The following HSPD1 variants were observed in gnomAD, a reference collection of about 807,000 sequenced individuals.
HSPD1 encodes heat shock protein family D (Hsp60) member 1, also known as 60 kDa heat shock protein, mitochondrial.
Under a neutral mutation model 53.0 loss-of-function variants are expected in HSPD1, and 3 were observed. That is an observed-to-expected ratio of 0.06 (90% confidence interval 0.03 to 0.15). The LOEUF (loss-of-function observed/expected upper bound fraction) is 0.15, where lower values mean the gene tolerates loss of function less well. Among genes scored for constraint, HSPD1 ranks in the 10% least tolerant of loss-of-function variants. The probability of loss-of-function intolerance (pLI) is 1.00; values close to 1 mark genes in which losing one functional copy is unlikely to be tolerated. For synonymous variants in HSPD1, 200 were observed against 228.0 expected (o/e 0.88, Z 1.10); for missense variants, 431 against 694.1 (o/e 0.62, Z 4.26).
chr2:197,500,119 C>T (rs1418649552), upstream of HSPD1: 2 of 463,732 alleles, frequency 4.3e-6, no homozygotes, highest in Non-Finnish European at 7.9e-6. Context: ...AGGGTCAAAT[C>T]GCGTCATTTC....
chr2:197,498,677 T>C lies in HSPD1; in HGVS notation c.172A>G (p.Lys58Glu). 6.2e-7 allele frequency: 1 copy of C among 1,613,418 alleles called. No individual in the cohort carries two copies. The highest frequency in any genetic ancestry group is 8.5e-7 in the Non-Finnish European group (1 of 1,179,366). Residue 58 changes from lysine (K) to glutamate (E), a missense_variant and splice_region_variant, in exon 2 of 12, where the codon AAG becomes GAG. Around this residue, in one of 2 missense-constraint regions of HSPD1, gnomAD observed 386 missense variants for 657.6 expected, o/e 0.59. Transcript: ENST00000388968. Reference sequence around the variant, plus strand: ...CAATAAAATAAAAATACTGGTACCTTTGGCCCCATTGTAACGGCCACAGCA... The same window carrying C: ...CAATAAAATAAAAATACTGGTACCTCTGGCCCCATTGTAACGGCCACAGCA... The part of the protein sequence containing the change: ...ADAVAVTMGP[K>E]GRTVIIEQSW...
In HSPD1 at chr2:197,494,074, G is replaced by A. The variant is rs889349528; in HGVS notation, c.700+83C>T. The A allele has an allele frequency of 8.2e-6, 6 of 735,318 alleles. No individual in the cohort carries two copies. The African/African-American group carries it at 8.8e-5, about 11-fold the overall frequency. 45.5% of individuals were successfully genotyped at this position (735,318 alleles called of 1,614,324 possible). ...CAACGCGCCACCACATCATGCCACT[G>A]CACTCCAGCCGGGGCAACAGAGAAT... is the stretch of plus-strand genomic sequence containing the variant. On this transcript the variant is annotated intron_variant, in intron 6 of 11. Transcript: ENST00000388968.
At position 197,487,336 on chromosome 2, in the gene HSPD1, T is replaced by G. The variant is rs185013131; in HGVS notation, c.1570-138A>C. 4.0e-6 allele frequency: 3 copies of G among 753,978 alleles called. No homozygotes were observed. In the South Asian group the frequency reaches 4.6e-5, roughly 12 times the overall value. 46.7% of individuals were successfully genotyped at this position (753,978 alleles called of 1,614,324 possible). ...CTGAGGCAGGTAGATGACTTGAGGT[T>G]AGGAGTTCAAGACCAGCCTGGCCAA... On this transcript the variant is annotated intron_variant, in intron 11 of 11. Transcript: ENST00000388968.
At position 197,487,977 on chromosome 2, in the gene HSPD1, C is replaced by A; in HGVS notation, c.1450G>T (p.Gly484Cys). 3 of 1,613,042 alleles carry A rather than the reference C, an allele frequency of 1.9e-6. No individual in the cohort carries two copies. Among genetic ancestry groups the A allele is most frequent in the Non-Finnish European group, 2.5e-6 (3 of 1,179,128 alleles). ...IPAMTIAKNAGVEGSLIVEKI... is the reference protein window; with the variant it reads ...IPAMTIAKNACVEGSLIVEKI... ...TCAACTATCAAAGATCCTTCAACAC[C>A]TGCATTCTTAGCAATGGTCATTGCT... The change falls in exon 11 of 12, where the codon GGT becomes TGT. Residue 484 changes from glycine to cysteine, a missense_variant. By Grantham distance (159) the Gly-to-Cys change is radical. Coordinates refer to ENST00000388968, the MANE Select transcript of HSPD1 (RefSeq NM_002156.5).
In HSPD1 at chr2:197,497,325, G is replaced by A; in HGVS notation, c.242C>T (p.Ala81Val). 1 of 1,610,862 alleles carries A rather than the reference G, an allele frequency of 6.2e-7. No individual in the cohort carries two copies. The highest frequency in any genetic ancestry group is 1.1e-5 in the South Asian group (1 of 91,006). ...PKVTKDGVTV[A>V]KSIDLKDKYK... is the part of the protein sequence containing the mutation. ...TTTATCTTTTAAGTCAATTGACTTTGCAACAGTCACACCATCTTTTGTTAC... is the reference window on the plus strand; with the variant it reads ...TTTATCTTTTAAGTCAATTGACTTTACAACAGTCACACCATCTTTTGTTAC... The change falls in exon 3 of 12, where the codon GCA becomes GTA. Residue 81 changes from alanine to valine, a missense_variant. Around this residue, in one of 2 missense-constraint regions of HSPD1, gnomAD observed 386 missense variants for 657.6 expected, o/e 0.59. Coordinates refer to ENST00000388968, the MANE Select transcript of HSPD1 (RefSeq NM_002156.5).
chr2:197,490,415 GTT>G (rs147990270), intron 7 of HSPD1, 119 bp from the exon 8 acceptor site: 11 of 728,726 alleles, frequency 1.5e-5, no homozygotes, highest in East Asian at 2.7e-5. Flanking sequence ...TGGTTTTTGT[GTT>G]TTTTTGTTTT....
chr2:197,492,686 G>A (rs1425670659), intron 7 of HSPD1, among the ~76,000 whole-genome samples: 2 of 151,922 alleles, frequency 1.3e-5, no homozygotes, highest in African/African-American at 2.4e-5. Flanking sequence ...GGGTGACAGA[G>A]ACTCTGTCTC....
rs1559300756 is a variant in HSPD1 at position 197,489,255 on chromosome 2, AAG to A, written c.970-10_970-9del. 6.2e-7 allele frequency: 1 copy of A among 1,614,052 alleles called. No homozygotes were observed. The highest frequency in any genetic ancestry group is 1.7e-5 in the Admixed American group (1 of 60,014). ...TCCCTCTTCTCCAAACACCTACAAA[AAG>A]AGTTAAACGTAAACCTGTTGTAGGT... On this transcript the variant is annotated splice_polypyrimidine_tract_variant and intron_variant, in intron 8 of 11. Transcript: ENST00000388968.
chr2:197,496,157 T>C (rs1246276587), intron 3 of HSPD1, among the ~76,000 whole-genome samples: 2 of 152,202 alleles, frequency 1.3e-5, no homozygotes, highest in African/African-American at 2.4e-5. Context: ...TAGTACGTAT[T>C]ATGAACTAAC....
Position 197,490,268 on chromosome 2 carries a change from C to T in HSPD1, c.898G>A (p.Val300Ile). The T allele has an allele frequency of 6.2e-7, 1 of 1,613,944 alleles. No individual in the cohort carries two copies. Among genetic ancestry groups the T allele is most frequent in the Non-Finnish European group, 8.5e-7 (1 of 1,179,874 alleles). Residue 300 changes from valine (V) to isoleucine (I), a missense_variant, in exon 8 of 12, where the codon GTC becomes ATC. This residue lies in a region of HSPD1 where 386 missense variants were observed against 657.6 expected (regional missense o/e 0.59). Coordinates refer to ENST00000388968, the MANE Select transcript of HSPD1 (RefSeq NM_002156.5). ...TTGTCACCAAACCCTGGAGCCTTGA[C>T]TGCCACAACCTGAAGACCAACCTTT... ...RLKVGLQVVA[V>I]KAPGFGDNRK...
At chr2:197,494,855 A>G in intron 4 of HSPD1, 103 bp from the exon 5 acceptor site, 2 of 762,966 alleles carry the variant, frequency 2.6e-6, no homozygotes, top group East Asian at 2.6e-5. Flanking sequence ...ACTTCCATCC[A>G]GGGGAGAGAA....
In HSPD1 at chr2:197,498,572, C is replaced by T. The variant is rs1000170100; in HGVS notation, c.174+103G>A. On this transcript the variant is annotated intron_variant, in intron 2 of 11. Coordinates refer to ENST00000388968, the MANE Select transcript of HSPD1 (RefSeq NM_002156.5). ...TTCTTACATGTAAACTGAGTTCTCT[C>T]AAAAATGGAGATGAAAGTACTGTTG... 1.0e-5 allele frequency: 11 copies of T among 1,060,372 alleles called. No homozygotes were observed. The African/African-American group carries it at 1.8e-4, about 17-fold the overall frequency. 65.7% of individuals were successfully genotyped at this position (1,060,372 alleles called of 1,614,324 possible).
At chr2:197,491,257 G>A (rs1031872706) in intron 7 of HSPD1, among the ~76,000 whole-genome samples, 2 of 149,114 alleles carry the variant, frequency 1.3e-5, no homozygotes, top group African/African-American at 2.5e-5. Flanking sequence ...GCGAGATCTC[G>A]GCTCACTGCA....
In HSPD1 at chr2:197,494,223, C is replaced by G; in HGVS notation, c.634G>C (p.Glu212Gln). Residue 212 changes from glutamate (E) to glutamine (Q), a missense_variant, in exon 6 of 12, where the codon GAA becomes CAA. By Grantham distance (29) the Glu-to-Gln change is conservative. Around this residue, in one of 2 missense-constraint regions of HSPD1, gnomAD observed 386 missense variants for 657.6 expected, o/e 0.59. Coordinates refer to ENST00000388968, the MANE Select transcript of HSPD1 (RefSeq NM_002156.5). The stretch of plus-strand genomic sequence containing the variant: ...TCAAACTTCATGCCTTCAATAATTT[C>G]TAATTCATCATTCAGTGTTTTTCCA... ...KDGKTLNDEL[E>Q]IIEGMKFDRG... The G allele has an allele frequency of 6.4e-7, 1 of 1,559,534 alleles. No individual in the cohort carries two copies. Among genetic ancestry groups the G allele is most frequent in the Non-Finnish European group, 8.8e-7 (1 of 1,131,038 alleles).
chr2:197,497,276 A>C lies in HSPD1; in HGVS notation c.291T>G (p.Leu97=), dbSNP rs1285243539. ...TTGTGTTATTGGCAACATCTTGAAC[A>C]AGTTTAGCTCCAATGTTTTTGTATT... ...KDKYKNIGAK[L]VQDVANNTNE... is the part of the protein sequence containing the mutation. The change falls in exon 3 of 12, where the codon CTT becomes CTG. Residue 97 remains leucine (L), a synonymous_variant. Transcript: ENST00000388968. 6.2e-7 allele frequency: 1 copy of C among 1,614,114 alleles called. No homozygotes were observed. Among genetic ancestry groups the C allele is most frequent in the South Asian group, 1.1e-5 (1 of 91,074 alleles).
intron 11 of HSPD1, 79 bp downstream of exon 11, chr2:197,487,779 A>G (rs1352802951): frequency 8.1e-7 from 1 of 1,241,070 alleles, no homozygotes; most frequent in African/African-American, 1.5e-5. Context: ...TCTGGTGACA[A>G]AATCAAAGAT....
chr2:197,487,235 A>G (rs1559299918), intron 11 of HSPD1, 37 bp from the exon 12 acceptor site: 1 of 1,578,088 alleles, frequency 6.3e-7, no homozygotes, highest in Non-Finnish European at 8.7e-7. Flanking sequence ...TTCCCTTAGT[A>G]AAATATGAGC....
At chr2:197,498,876 C>G (rs1425664963) in intron 1 of HSPD1, 26 bp from the exon 2 acceptor site, 1 of 1,607,938 alleles carries the variant, frequency 6.2e-7, no homozygotes. Flanking sequence ...AAAAGATCAT[C>G]AGAACTACCA....
chr2:197,496,401 T>C (rs2106078420), intron 3 of HSPD1, among the ~76,000 whole-genome samples: 1 of 152,314 alleles, frequency 6.6e-6, no homozygotes, highest in African/African-American at 2.4e-5. Context: ...GATACATTAG[T>C]AATGTAGTAA....
Sources: gnomAD v4.1 joint callset for allele counts (sites outside exome capture counted in the v4.1 genomes callset) on GRCh38, gnomAD v4.1.1 for gene constraint, gnomAD v4.1.1 regional missense constraint, MANE v1.5 for transcripts, NCBI Gene and HGNC (gene_info 2026-07-23, HGNC 2026-07-21) for gene names.